The following CPNE9 variants were observed in gnomAD, a reference collection of about 807,000 sequenced individuals.
CPNE9 encodes copine family member 9.
A neutral mutation model predicts 83.0 loss-of-function variants in CPNE9; 59 were observed. The observed-to-expected ratio is 0.71, with a 90% CI of 0.58 to 0.88. CPNE9 has a LOEUF of 0.88. CPNE9 is among the 40% of genes least tolerant of loss of function. CPNE9 has a pLI of 0.00. For synonymous variants in CPNE9, 256 were observed against 273.4 expected (o/e 0.94, Z 0.63); for missense variants, 619 against 720.8 (o/e 0.86, Z 1.62).
chr3:9,711,944 T>A (rs2076632893), intron 7 of CPNE9, among the ~76,000 whole-genome samples: 1 of 152,160 alleles, frequency 6.6e-6, no homozygotes, highest in Non-Finnish European at 1.5e-5. Flanking sequence ...CCTCATTCAG[T>A]ATCACTACAA....
intron 17 of CPNE9, among the ~76,000 whole-genome samples, chr3:9,721,908 T>C (rs185266408): frequency 6.6e-6 from 1 of 151,980 alleles, no homozygotes; most frequent in East Asian, 1.9e-4. Context: ...ACATAGGAAC[T>C]GTTTTTTGTT....
At chr3:9,728,350 G>A (rs940921338) in intron 20 of CPNE9, among the ~76,000 whole-genome samples, 15 of 152,294 alleles carry the variant, frequency 9.8e-5, no homozygotes, top group Admixed American at 6.5e-4. Flanking sequence ...AAGGCCGGGC[G>A]CGGTGGCTCA....
chr3:9,705,771 G>T (rs1303054148), intron 6 of CPNE9, 51 bp downstream of exon 6: 2 of 1,598,092 alleles, frequency 1.3e-6, no homozygotes, highest in African/African-American at 2.7e-5. Context: ...TGGTATTGTG[G>T]AGAACAGGCT....
chr3:9,727,976 G>A (rs1453263841), intron 20 of CPNE9, among the ~76,000 whole-genome samples: 1 of 152,200 alleles, frequency 6.6e-6, no homozygotes, highest in Non-Finnish European at 1.5e-5. Flanking sequence ...ATTAGATGAT[G>A]ACAGGGAGTG....
chr3:9,716,227 G>A (rs1480102720), intron 14 of CPNE9, among the ~76,000 whole-genome samples, 192 bp downstream of exon 14: 7 of 152,182 alleles, frequency 4.6e-5, no homozygotes, highest in African/African-American at 1.7e-4. Flanking sequence ...TCATGGGGCT[G>A]CTTTTCATTC....
At chr3:9,708,339 C>T (rs756580586) in intron 7 of CPNE9, among the ~76,000 whole-genome samples, 16 of 151,564 alleles carry the variant, frequency 1.1e-4, no homozygotes, top group African/African-American at 2.4e-4. Context: ...AAGAGGGAGA[C>T]GAGAGAGAGA....
At chr3:9,713,151 T>C in intron 10 of CPNE9, 72 bp downstream of exon 10, 1 of 1,137,808 alleles carries the variant, frequency 8.8e-7, no homozygotes, top group Non-Finnish European at 1.3e-6. Flanking sequence ...CCAAGAATGA[T>C]AGTAGAAGTA....
chr3:9,710,842 T>C (rs912502128), intron 7 of CPNE9, among the ~76,000 whole-genome samples: 1 of 152,048 alleles, frequency 6.6e-6, no homozygotes, highest in African/African-American at 2.4e-5. Context: ...CTGGGTAACA[T>C]AGCCAGACCT....
At chr3:9,719,545 TG>T (rs2076716414) in intron 17 of CPNE9, among the ~76,000 whole-genome samples, 1 of 152,236 alleles carries the variant, frequency 6.6e-6, no homozygotes, top group Non-Finnish European at 1.5e-5. Flanking sequence ...GGTGTCATAA[TG>T]GATGACAATA....
At position 9,725,686 on chromosome 3, in the gene CPNE9, A is replaced by ATATATGTGTATATATGTATATATATG. The variant is rs767348050; in HGVS notation, c.1242-261_1242-260insTATGTGTATATATGTATATATATGTA. 4.5e-5 allele frequency among the ~76,000 whole-genome samples: 6 copies of ATATATGTGTATATATGTATATATATG among 132,904 alleles called. 1 individual carries two copies. Among genetic ancestry groups the ATATATGTGTATATATGTATATATATG allele is most frequent in the East Asian group, 4.2e-4 (2 of 4,814 alleles). 87.2% of individuals were successfully genotyped at this position (132,904 alleles called of 152,430 possible). A position where few individuals can be genotyped will look rare whatever the true frequency, so the allele number is the denominator to read the frequency against. ...TATGTATATATATGTGTATATATATATACATATATGTGTATATATGTGTAT... is the reference window on the plus strand; with the variant it reads ...TATGTATATATATGTGTATATATATATATATGTGTATATATGTATATATATGTACATATATGTGTATATATGTGTAT... On this transcript the variant is annotated intron_variant, in intron 17 of 20. Coordinates refer to ENST00000383832, the MANE Select transcript of CPNE9 (RefSeq NM_153635.3).
chr3:9,704,189 C>T lies in CPNE9; in HGVS notation c.68+125C>T. ...GGCGAAATTGGCTGGAAAATCACAG[C>T]TGATGACAGGGCGAGTAGCTGGTGG... On this transcript the variant is annotated intron_variant, in intron 1 of 20. Coordinates refer to ENST00000383832, the MANE Select transcript of CPNE9 (RefSeq NM_153635.3). This position sits in a 1 kb window ranked among gnomAD's most constrained non-coding sequence, Gnocchi z 7.1. 1.1e-6 allele frequency: 1 copy of T among 899,436 alleles called. No homozygotes were observed. Among genetic ancestry groups the T allele is most frequent in the Non-Finnish European group, 1.7e-6 (1 of 592,612 alleles). The allele number at this position is 899,436 out of a possible 1,614,324, so 55.7% of individuals were successfully genotyped here.
intron 14 of CPNE9, among the ~76,000 whole-genome samples, chr3:9,716,742 T>C (rs2125469307): frequency 6.6e-6 from 1 of 152,316 alleles, no homozygotes; most frequent in Middle Eastern, 3.4e-3. Flanking sequence ...AAAGTGCTGA[T>C]TACAGGCGTG....
At position 9,705,044 on chromosome 3, in the gene CPNE9, G is replaced by T. The variant is rs758109944; in HGVS notation, c.260+50G>T. On this transcript the variant is annotated intron_variant, in intron 4 of 20. Coordinates refer to ENST00000383832, the MANE Select transcript of CPNE9 (RefSeq NM_153635.3). ...CTTGGCCCGCCCCCGACCTGGATCCGCCCGGAATTCTGGCTGGCCCCACCC... is the reference window on the plus strand; with the variant it reads ...CTTGGCCCGCCCCCGACCTGGATCCTCCCGGAATTCTGGCTGGCCCCACCC... 4.3e-6 allele frequency: 6 copies of T among 1,383,506 alleles called. No homozygotes were observed. In the South Asian group the frequency reaches 6.1e-5, roughly 14 times the overall value. The allele number at this position is 1,383,506 out of a possible 1,614,324, so 85.7% of individuals were successfully genotyped here. A position where few individuals can be genotyped will look rare whatever the true frequency, so the allele number is the denominator to read the frequency against.
chr3:9,712,937 C>T lies in CPNE9; in HGVS notation c.546-38C>T, dbSNP rs114886261. On this transcript the variant is annotated intron_variant, in intron 9 of 20. Transcript: ENST00000383832. ...TCTGGATTCAGTCCTACCCCGGGCA[C>T]GAGATAAATTATACCAATTCTTCCC... 15,304 of 1,586,244 alleles carry T rather than the reference C, an allele frequency of 9.6e-3. 148 individuals are homozygous for T. The highest frequency in any genetic ancestry group is 0.049 in the African/African-American group (3,616 of 74,402).
In CPNE9 at chr3:9,712,717, A is replaced by G. The variant is rs1370629686; in HGVS notation, c.442-8A>G. ...GGGTGCCACCAGCCCAACTTCATCCATCCCTAGGACATTGCCACCATGCAG... is the reference window on the plus strand; with the variant it reads ...GGGTGCCACCAGCCCAACTTCATCCGTCCCTAGGACATTGCCACCATGCAG... On this transcript the variant is annotated splice_region_variant and splice_polypyrimidine_tract_variant and intron_variant, in intron 8 of 20. Transcript: ENST00000383832. 3 of 1,613,746 alleles carry G rather than the reference A, an allele frequency of 1.9e-6. No homozygotes were observed. Among genetic ancestry groups the G allele is most frequent in the African/African-American group, 1.3e-5 (1 of 74,936 alleles).
intron 4 of CPNE9, 72 bp downstream of exon 4, chr3:9,705,066 AC>A (rs1170079369): frequency 1.9e-6 from 2 of 1,080,774 alleles, no homozygotes; most frequent in Non-Finnish European, 2.7e-6. Context: ...GGCTGGCCCC[AC>A]CCCCGCCTCG....
rs191974418 is a variant in CPNE9, at chr3:9,713,201, T to A, written c.650+122T>A. On this transcript the variant is annotated intron_variant, in intron 10 of 20. Transcript: ENST00000383832. ...GAGGGTCCTGCTCAGTGAGACAGAG[T>A]TTGGGGCATGAGGTTGGGTGGATGG... 4.0e-6 allele frequency: 3 copies of A among 744,128 alleles called. No individual in the cohort carries two copies. The African/African-American group carries it at 5.2e-5, about 13-fold the overall frequency. The allele number at this position is 744,128 out of a possible 1,614,324, so 46.1% of individuals were successfully genotyped here.
chr3:9,703,908 C>A lies in CPNE9; in HGVS notation c.-89C>A. ...GCCGCCGCCGCCGCCGACACCGCGG[C>A]ACATGGGCCGGCCCCGCCGCTGCCG... On this transcript the variant is annotated 5_prime_UTR_variant, in exon 1 of 21. Transcript: ENST00000383832. 8.9e-7 allele frequency: 1 copy of A among 1,120,354 alleles called. No homozygotes were observed. The highest frequency in any genetic ancestry group is 1.2e-6 in the Non-Finnish European group (1 of 815,768). The allele number at this position is 1,120,354 out of a possible 1,614,324, so 69.4% of individuals were successfully genotyped here.
intron 10 of CPNE9, among the ~76,000 whole-genome samples, 185 bp from the exon 11 acceptor site, chr3:9,714,729 G>A (rs1301795296): frequency 1.5e-4 from 22 of 151,410 alleles, no homozygotes; most frequent in Non-Finnish European, 5.9e-5. Flanking sequence ...AATAGGGGTA[G>A]GTGGTTGGGT....
Sources: allele counts gnomAD v4.1 joint callset (sites outside exome capture counted in the v4.1 genomes callset), GRCh38; gene constraint gnomAD v4.1.1; non-coding constraint Gnocchi (gnomAD v3.1); transcripts MANE v1.5; gene names NCBI Gene and HGNC (gene_info 2026-07-23, HGNC 2026-07-21).